TBC1D30: variants seen among roughly 807,000 people sequenced by gnomAD.
TBC1D30 encodes the protein TBC1 domain family, member 30.
Under a neutral mutation model 63.2 loss-of-function variants are expected in TBC1D30, and 31 were observed. The ratio of observed to expected loss-of-function variants is 0.49; its 90% CI spans 0.37 to 0.66. TBC1D30 has a LOEUF of 0.66. Among genes scored for constraint, TBC1D30 ranks in the 30% least tolerant of loss-of-function variants. The pLI is 0.00. For missense variants in TBC1D30, 810 were observed against 953.6 expected, an observed-to-expected ratio of 0.85 and a Z score of 1.98; for synonymous variants, 307 against 361.5, an observed-to-expected ratio of 0.85 and a Z score of 1.71.
intron 11 of TBC1D30, among the ~76,000 whole-genome samples, chr12:64,872,267 A>G (rs1878715264): frequency 6.6e-6 from 1 of 152,192 alleles, no homozygotes; most frequent in Non-Finnish European, 1.5e-5. Flanking sequence ...ACCTCAGGTG[A>G]TCTGCCCACC....
intron 2 of TBC1D30, among the ~76,000 whole-genome samples, chr12:64,787,965 C>T (rs1407082774): frequency 2.0e-5 from 3 of 151,678 alleles, no homozygotes; most frequent in East Asian, 3.9e-4. Flanking sequence ...ACCCAGGAGG[C>T]GGGGGTTGCA....
At chr12:64,772,858 G>T (rs1870956120) in intron 1 of TBC1D30, among the ~76,000 whole-genome samples, 1 of 152,280 alleles carries the variant, frequency 6.6e-6, no homozygotes, top group South Asian at 2.1e-4. Flanking sequence ...TTAATTTTTA[G>T]CTGATATGTA....
At chr12:64,770,053 G>GT (rs1870850872) in intron 1 of TBC1D30, among the ~76,000 whole-genome samples, 1 of 152,104 alleles carries the variant, frequency 6.6e-6, no homozygotes, top group Admixed American at 6.6e-5. Context: ...TTCTATCACC[G>GT]TATCTCTAAT....
intron 1 of TBC1D30, among the ~76,000 whole-genome samples, chr12:64,765,552 G>A (rs1435393170): frequency 7.5e-6 from 1 of 133,336 alleles, no homozygotes; most frequent in Non-Finnish European, 1.6e-5. Context: ...AGGAAAATGT[G>A]ACCCCATGAC....
At chr12:64,767,515 C>T (rs1222755646) in intron 1 of TBC1D30, among the ~76,000 whole-genome samples, 1 of 152,056 alleles carries the variant, frequency 6.6e-6, no homozygotes, top group Non-Finnish European at 1.5e-5. Context: ...CTGTCCCTAT[C>T]AGAAAAGAGG....
chr12:64,867,443 G>T (rs1016634116), intron 10 of TBC1D30, among the ~76,000 whole-genome samples: 6 of 145,736 alleles, frequency 4.1e-5, no homozygotes, highest in African/African-American at 1.6e-4. Flanking sequence ...CTGGGCAACA[G>T]AACAAGACTC....
At chr12:64,793,541 T>C (rs927310338) in intron 2 of TBC1D30, among the ~76,000 whole-genome samples, 3 of 147,706 alleles carry the variant, frequency 2.0e-5, no homozygotes, top group African/African-American at 7.5e-5. Flanking sequence ...GCACCTGTAA[T>C]CCCAGCTACT....
At chr12:64,839,613 C>T (rs1875666723) in intron 7 of TBC1D30, among the ~76,000 whole-genome samples, 2 of 152,162 alleles carry the variant, frequency 1.3e-5, no homozygotes, top group Non-Finnish European at 2.9e-5. Flanking sequence ...AAATCACTGG[C>T]ACTGTTTTGT....
chr12:64,803,191 A>G (rs964598981), intron 2 of TBC1D30, among the ~76,000 whole-genome samples: 3 of 152,184 alleles, frequency 2.0e-5, no homozygotes, highest in African/African-American at 7.2e-5. Flanking sequence ...TCGCCATTCT[A>G]ACTGGTGTGA....
At chr12:64,855,430 T>C (rs1877219522) in intron 8 of TBC1D30, among the ~76,000 whole-genome samples, 1 of 152,182 alleles carries the variant, frequency 6.6e-6, no homozygotes, top group Non-Finnish European at 1.5e-5. Context: ...CCTATCTCTT[T>C]CTCTAACTCC....
intron 1 of TBC1D30, among the ~76,000 whole-genome samples, chr12:64,783,501 G>A (rs1219543573): frequency 6.6e-6 from 1 of 152,184 alleles, no homozygotes; most frequent in Non-Finnish European, 1.5e-5. Context: ...AGCACAGGTT[G>A]TGAGTTGACA....
rs1876708128 is a variant in TBC1D30 at position 64,849,817 on chromosome 12, A to G, written c.1038+6332A>G. ...TTTTCTAATTCTGTGAAGAAAGTCA[A>G]TGGTAACTTGATGGGGATAGCATTG... On this transcript the variant is annotated intron_variant, in intron 8 of 11. Coordinates refer to ENST00000539867, the MANE Select transcript of TBC1D30 (RefSeq NM_015279.2). 1.3e-5 allele frequency among the ~76,000 whole-genome samples: 2 copies of G among 152,106 alleles called. 1 individual carries two copies. Among genetic ancestry groups the G allele is most frequent in the South Asian group, 4.1e-4 (2 of 4,822 alleles).
intron 7 of TBC1D30, among the ~76,000 whole-genome samples, chr12:64,839,902 G>C (rs1459704117): frequency 1.3e-5 from 2 of 151,480 alleles, no homozygotes; most frequent in African/African-American, 4.9e-5. Context: ...CTACTCGGGA[G>C]GCTGAGGCAG....
intron 2 of TBC1D30, among the ~76,000 whole-genome samples, chr12:64,810,428 C>G (rs1333142423): frequency 2.0e-5 from 3 of 152,144 alleles, no homozygotes; most frequent in Non-Finnish European, 4.4e-5. Context: ...CATGGCAAAA[C>G]CCCGTCTCTA....
intron 2 of TBC1D30, among the ~76,000 whole-genome samples, chr12:64,801,754 G>A (rs1872591636): frequency 6.6e-6 from 1 of 152,168 alleles, no homozygotes; most frequent in Admixed American, 6.5e-5. Flanking sequence ...TATCATTCTA[G>A]TTAGAAAGAC....
At chr12:64,811,127 G>GTCCCCT (rs1380078627) in intron 2 of TBC1D30, among the ~76,000 whole-genome samples, 2 of 152,234 alleles carry the variant, frequency 1.3e-5, no homozygotes, top group African/African-American at 4.8e-5. Context: ...CATCTGAAAT[G>GTCCCCT]TTGACTCACT....
chr12:64,762,389 A>G (rs1393838430), intron 1 of TBC1D30, among the ~76,000 whole-genome samples: 1 of 152,226 alleles, frequency 6.6e-6, no homozygotes, highest in Non-Finnish European at 1.5e-5. Context: ...AGACTGTGGC[A>G]TGAAGAACAG....
chr12:64,832,099 A>G lies in TBC1D30; in HGVS notation c.409-20A>G. On this transcript the variant is annotated intron_variant, in intron 4 of 11. Coordinates refer to ENST00000539867, the MANE Select transcript of TBC1D30 (RefSeq NM_015279.2). ...AATATTAGGAGTTATTTTTGAAAAT[A>G]TTGTTTCCCTTCCATTTAGGACCTT... 6.7e-7 allele frequency: 1 copy of G among 1,502,780 alleles called. No individual in the cohort carries two copies. Among genetic ancestry groups the G allele is most frequent in the Non-Finnish European group, 8.9e-7 (1 of 1,125,272 alleles). The allele number at this position is 1,502,780 out of a possible 1,614,324, so 93.1% of individuals were successfully genotyped here.
At chr12:64,835,011 C>T (rs1251695878) in intron 5 of TBC1D30, among the ~76,000 whole-genome samples, 1 of 152,074 alleles carries the variant, frequency 6.6e-6, no homozygotes, top group Non-Finnish European at 1.5e-5. Flanking sequence ...ATTCATGATC[C>T]TGTAAATTCC....
Sources: gnomAD v4.1 joint callset for allele counts (sites outside exome capture counted in the v4.1 genomes callset) on GRCh38, gnomAD v4.1.1 for gene constraint, MANE v1.5 for transcripts, NCBI Gene and HGNC (gene_info 2026-07-23, HGNC 2026-07-21) for gene names.